Variants in MYLK4 observed in about 807,000 individuals in gnomAD.
The protein encoded by MYLK4 is caMLCK like.
MYLK4 carries 46 observed loss-of-function variants against 48.1 expected under a neutral mutation model. The ratio of observed to expected loss-of-function variants is 0.96; its 90% confidence interval spans 0.75 to 1.22. The LOEUF is 1.22. MYLK4 is among the 50% of genes most tolerant of loss of function. MYLK4 has a pLI of 0.00. For missense variants in MYLK4, 451 were observed against 486.1 expected (o/e 0.93, Z 0.68); for synonymous variants, 170 against 180.8 (o/e 0.94, Z 0.48).
chr6:2,737,605 A>G (rs76046905), intron 2 of MYLK4, among the ~76,000 whole-genome samples: 14,953 of 152,222 alleles, frequency 0.098, 890 homozygotes, highest in East Asian at 0.27. Flanking sequence ...AGAATTTGGT[A>G]TCTGACAGAA....
At chr6:2,688,980 G>T in intron 3 of MYLK4, 24 bp from the exon 4 acceptor site, 1 of 1,604,588 alleles carries the variant, frequency 6.2e-7, no homozygotes, top group South Asian at 1.1e-5. Context: ...GAAACAGAAG[G>T]GCAATCTGTC....
intron 2 of MYLK4, among the ~76,000 whole-genome samples, chr6:2,728,366 T>C (rs4246059): frequency 0.54 from 82,313 of 151,762 alleles, 23,748 homozygotes; most frequent in East Asian, 0.82. Context: ...AAACCACTTT[T>C]GTGTCTTTTA....
At position 2,685,244 on chromosome 6, in the gene MYLK4, C is replaced by T. The variant is rs534796403; in HGVS notation, c.545+52G>A. The stretch of plus-strand genomic sequence containing the variant: ...GGACGGAGCTACTGAGGCACGGTCA[C>T]GGTCATGAGTGCCCTTGGGGAGGTC... On this transcript the variant is annotated intron_variant, in intron 6 of 12. Transcript: ENST00000274643. This position sits in a 1 kb window ranked among gnomAD's most constrained non-coding sequence, Gnocchi z 4.5. The T allele has an allele frequency of 1.5e-5, 21 of 1,377,700 alleles. No individual in the cohort carries two copies. The highest frequency in any genetic ancestry group is 1.1e-4 in the African/African-American group (8 of 70,448). The allele number at this position is 1,377,700 out of a possible 1,614,324, so 85.3% of individuals were successfully genotyped here.
intron 7 of MYLK4, among the ~76,000 whole-genome samples, chr6:2,682,701 T>C (rs890540794): frequency 2.0e-5 from 3 of 152,222 alleles, no homozygotes; most frequent in Non-Finnish European, 4.4e-5. Flanking sequence ...CTACTTGTCC[T>C]GATGAGAGGG....
chr6:2,749,210 C>A lies in MYLK4; in HGVS notation c.85G>T (p.Glu29Ter), dbSNP rs1415075449. ...LEKMAFFQCR[E>*]EVEKVKCFLE... is the part of the protein sequence containing the mutation. Reference sequence around the variant, plus strand: ...AAACACTTCACTTTCTCCACCTCTTCCCTGCACTGAAAAAAGGCCATTTTC... The same window carrying A: ...AAACACTTCACTTTCTCCACCTCTTACCTGCACTGAAAAAAGGCCATTTTC... The change falls in exon 2 of 13, where the codon GAA becomes TAA. Residue 29 changes from glutamate (E) to a stop codon, truncating the protein, a stop_gained. Coordinates refer to ENST00000274643, the MANE Select transcript of MYLK4 (RefSeq NM_001012418.5). LOFTEE classifies it high-confidence loss of function. 4 of 1,614,084 alleles carry A rather than the reference C, an allele frequency of 2.5e-6. No homozygotes were observed. The highest frequency in any genetic ancestry group is 3.4e-6 in the Non-Finnish European group (4 of 1,179,958).
intron 8 of MYLK4, 99 bp from the exon 9 acceptor site, chr6:2,679,507 C>T: frequency 7.2e-7 from 1 of 1,388,318 alleles, no homozygotes; most frequent in Non-Finnish European, 1.0e-6. Flanking sequence ...TTCAGCCATA[C>T]AGCAAACTTC....
At chr6:2,687,976 G>T (rs973162006) in intron 4 of MYLK4, among the ~76,000 whole-genome samples, 2 of 152,118 alleles carry the variant, frequency 1.3e-5, no homozygotes, top group Non-Finnish European at 2.9e-5. Flanking sequence ...AGAAGTAAAC[G>T]AAGAAGAACA....
chr6:2,745,974 C>T lies in MYLK4; in HGVS notation c.159+3162G>A, dbSNP rs1053665567. 5.3e-5 allele frequency among the ~76,000 whole-genome samples: 8 copies of T among 150,772 alleles called. No homozygotes were observed. In the East Asian group the frequency reaches 1.2e-3, roughly 22 times the overall value. On this transcript the variant is annotated intron_variant, in intron 2 of 12. Transcript: ENST00000274643. ...ACAAGAAAAATTAAAAGAACAAGGC[C>T]GGGCACGGTGGCTCACGCCTGTAAT...
At position 2,688,941 on chromosome 6, in the gene MYLK4, G is replaced by A; in HGVS notation, c.251C>T (p.Pro84Leu). 6.2e-7 allele frequency: 1 copy of A among 1,614,210 alleles called. No individual in the cohort carries two copies. The highest frequency in any genetic ancestry group is 8.5e-7 in the Non-Finnish European group (1 of 1,180,018). ...AATACGATGATCAAATGGGGCCGGA[G>A]GAGCCGGGATGTCAACTAGAAGGTG... ...TSALAVDIPA[P>L]PAPFDHRIVT... Residue 84 changes from proline (P) to leucine (L), a missense_variant, in exon 4 of 13, where the codon CCT becomes CTT. Pro to Leu is a moderately conservative substitution (Grantham distance 98). Transcript: ENST00000274643.
the MYLK4 span, chr6:2,765,768 A>G: frequency 2.7e-6 from 4 of 1,469,230 alleles, no homozygotes. Flanking sequence ...GGGCACGCGG[A>G]GCCCGCGGCC....
chr6:2,764,798 G>A, the MYLK4 span, among the ~76,000 whole-genome samples: 2 of 152,124 alleles, frequency 1.3e-5, no homozygotes, highest in South Asian at 4.1e-4. Context: ...TGACTTAAAC[G>A]CCAACACATC....
chr6:2,678,776 T>A (rs895680064), intron 9 of MYLK4, among the ~76,000 whole-genome samples: 18 of 150,188 alleles, frequency 1.2e-4, no homozygotes, highest in Non-Finnish European at 2.5e-4. Flanking sequence ...AGTGGCGTGA[T>A]CTCGTTTCAC....
chr6:2,764,351 C>A, the MYLK4 span, among the ~76,000 whole-genome samples: 1 of 152,004 alleles, frequency 6.6e-6, no homozygotes, highest in Non-Finnish European at 1.5e-5. Flanking sequence ...CCCAGGAGTT[C>A]AAGGCTGTGA....
chr6:2,724,106 G>T (rs975003687), intron 2 of MYLK4, among the ~76,000 whole-genome samples: 4 of 152,104 alleles, frequency 2.6e-5, no homozygotes, highest in African/African-American at 9.7e-5. Flanking sequence ...TTGAACTCCT[G>T]ACCTCAAATG....
At chr6:2,693,491 T>G (rs928715150) in intron 2 of MYLK4, among the ~76,000 whole-genome samples, 13 of 152,208 alleles carry the variant, frequency 8.5e-5, no homozygotes, top group Non-Finnish European at 1.8e-4. Flanking sequence ...TGGATAAACA[T>G]TCTTCTCACA....
At chr6:2,706,086 C>T (rs1023616712) in intron 2 of MYLK4, among the ~76,000 whole-genome samples, 10 of 152,192 alleles carry the variant, frequency 6.6e-5, no homozygotes, top group African/African-American at 2.4e-4. Context: ...TCTTTTCCCA[C>T]ACTTTCATCT....
intron 2 of MYLK4, among the ~76,000 whole-genome samples, chr6:2,715,934 T>C (rs1762848679): frequency 6.6e-6 from 1 of 152,228 alleles, no homozygotes; most frequent in Non-Finnish European, 1.5e-5. Flanking sequence ...CCACGGTTCC[T>C]CGTGCACTGC....
intron 2 of MYLK4, among the ~76,000 whole-genome samples, chr6:2,741,721 T>C (rs113393469): frequency 8.5e-5 from 13 of 152,240 alleles, no homozygotes; most frequent in African/African-American, 3.1e-4. Flanking sequence ...TATGAGGACA[T>C]GTTGTACACT....
rs967872954 is a variant in MYLK4 at position 2,688,923 on chromosome 6, T to C, written c.269A>G (p.His90Arg). 9.9e-6 allele frequency: 16 copies of C among 1,614,190 alleles called. No individual in the cohort carries two copies. Among genetic ancestry groups the C allele is most frequent in the Non-Finnish European group, 1.4e-5 (16 of 1,180,034 alleles). The change falls in exon 4 of 13, where the codon CAT becomes CGT. Residue 90 changes from histidine to arginine, a missense_variant. Physicochemically the swap from His to Arg is conservative, Grantham distance 29. Transcript: ENST00000274643. Reference sequence around the variant, plus strand: ...TCCTTGCTTGGCTGTCACAATACGATGATCAAATGGGGCCGGAGGAGCCGG... The same window carrying C: ...TCCTTGCTTGGCTGTCACAATACGACGATCAAATGGGGCCGGAGGAGCCGG... The part of the protein sequence containing the change: ...DIPAPPAPFD[H>R]RIVTAKQGAV...
Sources: allele counts gnomAD v4.1 joint callset (sites outside exome capture counted in the v4.1 genomes callset), GRCh38; gene constraint gnomAD v4.1.1; non-coding constraint Gnocchi (gnomAD v3.1); transcripts MANE v1.5; gene names NCBI Gene and HGNC (gene_info 2026-07-23, HGNC 2026-07-21).